Variants in XXYLT1 observed in about 807,000 individuals in gnomAD.
XXYLT1 encodes UDP-xylose:alpha-xyloside alpha-1,3-xylosyltransferase.
A neutral mutation model predicts 28.9 loss-of-function variants in XXYLT1; 20 were observed. That is an observed-to-expected ratio of 0.69 (90% CI 0.49 to 1.00). The LOEUF (loss-of-function observed/expected upper bound fraction) is 1.00. XXYLT1 is among the 50% of genes least tolerant of loss of function. The pLI is 0.00. For synonymous variants in XXYLT1, 257 were observed against 253.8 expected (o/e 1.01, Z -0.12); for missense variants, 542 against 560.1 (o/e 0.97, Z 0.33).
intron 2 of XXYLT1, among the ~76,000 whole-genome samples, chr3:195,174,500 G>A (rs531186407): frequency 2.6e-5 from 4 of 151,830 alleles, no homozygotes; most frequent in African/African-American, 4.8e-5. Context: ...CACTACACCC[G>A]GTTAATTTTA....
chr3:195,088,917 A>C (rs1189421127), intron 3 of XXYLT1, among the ~76,000 whole-genome samples: 1 of 151,748 alleles, frequency 6.6e-6, no homozygotes, highest in African/African-American at 2.4e-5. Context: ...ACTGGAAGAA[A>C]GGGTATCAGC....
chr3:195,175,829 AGTC>A (rs1721639942), intron 2 of XXYLT1: 1 of 1,414,486 alleles, frequency 7.1e-7, no homozygotes, highest in Non-Finnish European at 9.2e-7. Context: ...TCGATTCCCG[AGTC>A]ACTGCTTAAA....
intron 3 of XXYLT1, among the ~76,000 whole-genome samples, chr3:195,111,280 G>A (rs1262953370): frequency 6.6e-6 from 1 of 152,084 alleles, no homozygotes; most frequent in Non-Finnish European, 1.5e-5. Context: ...ACTGGATTAG[G>A]CTCGACCATG....
chr3:195,159,145 A>G (rs1308547152), intron 2 of XXYLT1, among the ~76,000 whole-genome samples: 1 of 152,236 alleles, frequency 6.6e-6, no homozygotes, highest in African/African-American at 2.4e-5. Flanking sequence ...GAAGAATGAG[A>G]AAAAGGAAGA....
At chr3:195,102,137 T>C (rs1211199514) in intron 3 of XXYLT1, among the ~76,000 whole-genome samples, 1 of 151,958 alleles carries the variant, frequency 6.6e-6, no homozygotes, top group Non-Finnish European at 1.5e-5. Flanking sequence ...TGAGTCTATG[T>C]TTTCCAACAG....
intron 3 of XXYLT1, among the ~76,000 whole-genome samples, chr3:195,080,639 C>G (rs1022096956): frequency 6.6e-6 from 1 of 152,184 alleles, no homozygotes; most frequent in Non-Finnish European, 1.5e-5. Flanking sequence ...AGCCTCATGG[C>G]GCTGGAGGTC....
chr3:195,260,049 C>G (rs1340311761), intron 1 of XXYLT1: 1 of 152,460 alleles, frequency 6.6e-6, no homozygotes, highest in East Asian at 1.9e-4. Context: ...CCCGCCGCAG[C>G]CCCGCCGACT....
At chr3:195,156,785 G>T (rs1005605649) in intron 2 of XXYLT1, among the ~76,000 whole-genome samples, 1 of 152,162 alleles carries the variant, frequency 6.6e-6, no homozygotes, top group Non-Finnish European at 1.5e-5. Context: ...ACGACTACCC[G>T]TGTCTTTTCT....
intron 2 of XXYLT1, among the ~76,000 whole-genome samples, chr3:195,164,642 T>C (rs1168239733): frequency 6.6e-6 from 1 of 152,230 alleles, no homozygotes; most frequent in Non-Finnish European, 1.5e-5. Flanking sequence ...ATTTCTGCAA[T>C]GCCCAGAGAG....
rs1455399790 is a variant in XXYLT1 at position 195,210,330 on chromosome 3, TC to T, written c.652+16378del. 1.3e-5 allele frequency among the ~76,000 whole-genome samples: 2 copies of T among 152,142 alleles called. No individual in the cohort carries two copies. Among genetic ancestry groups the T allele is most frequent in the African/African-American group, 4.8e-5 (2 of 41,436 alleles). ...GTGACACCCACTCACTTGGGGTCCC[TC>T]CACCAACCGGAAGGTGAGCTCCCCA... On this transcript the variant is annotated intron_variant, in intron 2 of 3. Coordinates refer to ENST00000310380, the MANE Select transcript of XXYLT1 (RefSeq NM_152531.5). This position sits in a 1 kb window ranked among gnomAD's most constrained non-coding sequence, Gnocchi z 4.8.
At chr3:195,100,142 G>A (rs566425160) in intron 3 of XXYLT1, among the ~76,000 whole-genome samples, 161 of 152,144 alleles carry the variant, frequency 1.1e-3, no homozygotes, top group African/African-American at 3.7e-3. Context: ...CAATCTCCCC[G>A]CCACCACCGT....
intron 3 of XXYLT1, among the ~76,000 whole-genome samples, chr3:195,136,128 G>A (rs758657881): frequency 6.6e-6 from 1 of 152,128 alleles, no homozygotes; most frequent in Non-Finnish European, 1.5e-5. Flanking sequence ...ATGCTGGGAG[G>A]AAAAGCGATA....
At chr3:195,251,911 T>G (rs1029540361) in intron 1 of XXYLT1, among the ~76,000 whole-genome samples, 1 of 152,164 alleles carries the variant, frequency 6.6e-6, no homozygotes, top group Non-Finnish European at 1.5e-5. Flanking sequence ...TCAAGCACAT[T>G]GTTCGCCTGG....
chr3:195,221,118 G>A (rs1723805053), intron 2 of XXYLT1, among the ~76,000 whole-genome samples: 1 of 152,098 alleles, frequency 6.6e-6, no homozygotes, highest in African/African-American at 2.4e-5. Context: ...CTAATGATGA[G>A]AAAAACATCA....
intron 2 of XXYLT1, 125 bp from the exon 3 acceptor site, chr3:195,156,706 GCA>G (rs1204336641): frequency 3.2e-6 from 4 of 1,264,422 alleles, no homozygotes; most frequent in Non-Finnish European, 4.3e-6. Context: ...AGTGAATGAT[GCA>G]CAGTTACCGC....
intron 2 of XXYLT1, among the ~76,000 whole-genome samples, chr3:195,177,754 C>G (rs1033988442): frequency 1.3e-5 from 2 of 151,290 alleles, no homozygotes; most frequent in African/African-American, 4.9e-5. Flanking sequence ...AGCAAGATCC[C>G]ATCTCTACAA....
chr3:195,143,808 A>ATT (rs1286357064), intron 3 of XXYLT1, among the ~76,000 whole-genome samples: 1 of 97,290 alleles, frequency 1.0e-5, no homozygotes, highest in African/African-American at 3.6e-5. Flanking sequence ...ATAGATAGAT[A>ATT]TATATAGATA....
intron 3 of XXYLT1, among the ~76,000 whole-genome samples, chr3:195,085,212 T>C (rs1288638909): frequency 1.3e-5 from 2 of 152,182 alleles, no homozygotes; most frequent in African/African-American, 4.8e-5. Context: ...GGAGAACAGT[T>C]CAGAGGAGCA....
chr3:195,106,001 C>T (rs1022975389), intron 3 of XXYLT1, among the ~76,000 whole-genome samples: 4 of 152,146 alleles, frequency 2.6e-5, no homozygotes, highest in African/African-American at 7.2e-5. Context: ...ATTTCACCGG[C>T]GCGTAGCATT....
Sources: allele counts gnomAD v4.1 joint callset (sites outside exome capture counted in the v4.1 genomes callset), GRCh38; gene constraint gnomAD v4.1.1; non-coding constraint Gnocchi (gnomAD v3.1); transcripts MANE v1.5; gene names NCBI Gene and HGNC (gene_info 2026-07-23, HGNC 2026-07-21).